TTC6: variants seen among roughly 807,000 people sequenced by gnomAD.
TTC6 encodes the protein tetratricopeptide repeat domain 6.
A neutral mutation model predicts 210.4 loss-of-function variants in TTC6; 172 were observed. The observed-to-expected ratio is 0.82, with a 90% confidence interval of 0.72 to 0.93. The LOEUF is 0.93. TTC6 is among the 40% of genes least tolerant of loss of function. The pLI, the probability that TTC6 is intolerant of heterozygous loss-of-function variation, is 0.00. For synonymous variants in TTC6, 804 were observed against 819.6 expected, an observed-to-expected ratio of 0.98 and a Z score of 0.32; for missense variants, 2,414 against 2,318.1, an observed-to-expected ratio of 1.04 and a Z score of -0.85.
At chr14:37,732,771 C>T (rs1466441436) in intron 7 of TTC6, among the ~76,000 whole-genome samples, 5 of 126,528 alleles carry the variant, frequency 4.0e-5, no homozygotes, top group African/African-American at 1.0e-4. Flanking sequence ...GCGCCCGCCA[C>T]CACGCCCAGC....
intron 1 of TTC6, among the ~76,000 whole-genome samples, chr14:37,670,100 T>A (rs984054625): frequency 6.6e-6 from 1 of 152,184 alleles, no homozygotes; most frequent in Admixed American, 6.5e-5. Context: ...TTCCCTAAAA[T>A]ATAAACATAG....
At chr14:37,749,471 G>A in intron 11 of TTC6, 70 bp downstream of exon 13, 1 of 1,354,536 alleles carries the variant, frequency 7.4e-7, no homozygotes, top group Non-Finnish European at 9.5e-7. Context: ...AGTAATTTTT[G>A]CTGAAATTTT....
intron 1 of TTC6, 62 bp from the exon 4 acceptor site, chr14:37,680,089 T>C (rs2138541253): frequency 4.3e-6 from 4 of 927,706 alleles, no homozygotes; most frequent in Admixed American, 2.6e-5. Context: ...TTTAGTATAA[T>C]GAATAATGTG....
intron 14 of TTC6, among the ~76,000 whole-genome samples, chr14:37,769,162 A>G (rs1310261041): frequency 9.2e-5 from 14 of 151,768 alleles, no homozygotes; most frequent in Non-Finnish European, 1.8e-4. Context: ...CCACTTGATC[A>G]TGATGGATAA....
intron 20 of TTC6, among the ~76,000 whole-genome samples, chr14:37,801,544 A>T (rs1460546493): frequency 6.6e-6 from 1 of 152,082 alleles, no homozygotes; most frequent in Non-Finnish European, 1.5e-5. Context: ...CGCTCCCTCA[A>T]TTATGTTGCA....
chr14:37,670,422 G>C (rs1344747510), intron 1 of TTC6, among the ~76,000 whole-genome samples: 2 of 143,138 alleles, frequency 1.4e-5, no homozygotes, highest in Non-Finnish European at 3.1e-5. Context: ...AGTATGTTTT[G>C]TTAACACATG....
At chr14:37,827,349 C>T (rs745737958) in exon 29 of TTC6, 1 of 1,612,294 alleles carries the variant, frequency 6.2e-7, no homozygotes, top group Non-Finnish European at 8.5e-7. Context: ...CTACTTTCAC[C>T]ACAGGCAGTT....
intron 1 of TTC6, among the ~76,000 whole-genome samples, chr14:37,630,919 T>G (rs868816998): frequency 2.2e-3 from 152 of 69,696 alleles, no homozygotes; most frequent in Middle Eastern, 0.018. Context: ...TTTTTTTTTT[T>G]TTTTTTTTTT....
At chr14:37,741,933 G>A (rs531926363) in intron 10 of TTC6, among the ~76,000 whole-genome samples, 1 of 152,280 alleles carries the variant, frequency 6.6e-6, no homozygotes, top group African/African-American at 2.4e-5. Context: ...TCTGAGCTCA[G>A]TGTTGACAGA....
chr14:37,706,975 T>C lies in TTC6; in HGVS notation c.1571+5449T>C, dbSNP rs1255471585. ...TTATTGTCCTATCAGATGTACTTGG[T>C]ATTATTTTTGTCATTTTATATTCTC... On this transcript the variant is annotated intron_variant, in intron 5 of 30. Coordinates refer to ENST00000553443, the Ensembl canonical transcript of TTC6. Among the ~76,000 whole-genome samples the C allele has an allele frequency of 3.3e-5, 5 of 152,114 alleles. No homozygotes were observed. In the East Asian group the frequency reaches 9.7e-4, roughly 29 times the overall value.
At chr14:37,622,224 C>A in exon 1 of TTC6, 1 of 1,535,590 alleles carries the variant, frequency 6.5e-7, no homozygotes, top group Non-Finnish European at 8.7e-7. Flanking sequence ...AGTCCACAGC[C>A]TCCATGCCCC....
intron 2 of TTC6, among the ~76,000 whole-genome samples, chr14:37,680,995 A>G (rs1023932252): frequency 6.6e-6 from 1 of 152,162 alleles, no homozygotes; most frequent in Non-Finnish European, 1.5e-5. Flanking sequence ...TATGGGTCCT[A>G]TAATGTTAGA....
At chr14:37,772,162 C>G (rs1023422852) in intron 14 of TTC6, among the ~76,000 whole-genome samples, 15 of 152,302 alleles carry the variant, frequency 9.8e-5, no homozygotes, top group African/African-American at 2.9e-4. Context: ...TCTGCCCGTT[C>G]TCAGATCTCC....
At chr14:37,674,413 G>A (rs1350621512) in intron 1 of TTC6, among the ~76,000 whole-genome samples, 1 of 151,968 alleles carries the variant, frequency 6.6e-6, no homozygotes, top group African/African-American at 2.4e-5. Flanking sequence ...GGTACCAATA[G>A]GCATCCTTAT....
intron 14 of TTC6, among the ~76,000 whole-genome samples, chr14:37,764,288 A>G (rs7151089): frequency 0.17 from 25,450 of 152,110 alleles, 2,291 homozygotes; most frequent in East Asian, 0.34. Context: ...TGTTAGGTCT[A>G]GTTAGTTTAT....
chr14:37,728,632 T>TTTTTG (rs1350502872), intron 7 of TTC6, among the ~76,000 whole-genome samples: 2 of 152,278 alleles, frequency 1.3e-5, no homozygotes, highest in African/African-American at 2.4e-5. Context: ...CTTCTTATTG[T>TTTTTG]TTTTGTTTTG....
At chr14:37,768,270 A>G (rs1447587208) in intron 14 of TTC6, among the ~76,000 whole-genome samples, 238 of 151,202 alleles carry the variant, frequency 1.6e-3, no homozygotes, top group African/African-American at 5.5e-3. Flanking sequence ...CTTAGGATTG[A>G]CTTGGTGATG....
At chr14:37,616,433 C>A (rs1262907090) in intron 2 of TTC6, among the ~76,000 whole-genome samples, 1 of 152,204 alleles carries the variant, frequency 6.6e-6, no homozygotes, top group African/African-American at 2.4e-5. Context: ...GTTGACTTTC[C>A]TCTACAATCT....
chr14:37,782,572 A>G (rs1245563265), intron 14 of TTC6, among the ~76,000 whole-genome samples: 2 of 151,826 alleles, frequency 1.3e-5, no homozygotes, highest in East Asian at 3.9e-4. Flanking sequence ...GTCATCTGCA[A>G]ACAGGGACAA....
Sources: allele counts gnomAD v4.1 joint callset (sites outside exome capture counted in the v4.1 genomes callset), GRCh38; gene constraint gnomAD v4.1.1; transcripts MANE v1.5; gene names NCBI Gene and HGNC (gene_info 2026-07-23, HGNC 2026-07-21).